FZR1: variants seen among roughly 807,000 people sequenced by gnomAD.
The protein encoded by FZR1 is fizzy-related protein homolog.
A neutral mutation model predicts 63.6 loss-of-function variants in FZR1; 11 were observed. That is an observed-to-expected ratio of 0.17 (90% CI 0.11 to 0.29). FZR1 has a LOEUF of 0.29. FZR1 is among the 10% of genes least tolerant of loss of function. FZR1 has a pLI of 1.00. For missense variants in FZR1, 440 were observed against 687.5 expected (o/e 0.64, Z 4.03); for synonymous variants, 328 against 297.9 (o/e 1.10, Z -1.04).
Position 3,535,757 on chromosome 19 carries a change from G to A in FZR1, c.*921G>A, listed in dbSNP as rs529966085. 5 of 152,506 alleles carry A rather than the reference G, an allele frequency of 3.3e-5. No homozygotes were observed. In the East Asian group the frequency reaches 5.8e-4, roughly 18 times the overall value. The allele number at this position is 152,506 out of a possible 1,614,324, so 9.4% of individuals were successfully genotyped here. On this transcript the variant is annotated 3_prime_UTR_variant, in exon 14 of 14. Coordinates refer to ENST00000441788, the MANE Select transcript of FZR1 (RefSeq NM_016263.4). ...CTGCTGGGTGGCTGGGTCCTGTGGA[G>A]GCCAGCAGCGGTGTGGCCCCCGCCC...
At position 3,534,860 on chromosome 19, in the gene FZR1, C is replaced by T. The variant is rs1280997577; in HGVS notation, c.*24C>T. 1.9e-6 allele frequency: 3 copies of T among 1,599,024 alleles called. No homozygotes were observed. Among genetic ancestry groups the T allele is most frequent in the Non-Finnish European group, 2.6e-6 (3 of 1,167,902 alleles). On this transcript the variant is annotated 3_prime_UTR_variant, in exon 14 of 14. Transcript: ENST00000441788. Reference sequence around the variant, plus strand: ...AAACCTGCCGGGCAGGACCGTGCCACACCAGCTGTCCAGAGTCGGAGGACC... The same window carrying T: ...AAACCTGCCGGGCAGGACCGTGCCATACCAGCTGTCCAGAGTCGGAGGACC...
intron 1 of FZR1, among the ~76,000 whole-genome samples, chr19:3,521,536 C>T (rs1327724835): frequency 1.3e-5 from 2 of 151,842 alleles, no homozygotes; most frequent in Non-Finnish European, 2.9e-5. Context: ...GAGTCCCGCT[C>T]TGTCACCCAG....
At chr19:3,530,916 G>T (rs2083240563) in intron 8 of FZR1, 59 bp downstream of exon 8, 2 of 1,390,788 alleles carry the variant, frequency 1.4e-6, no homozygotes, top group East Asian at 4.7e-5. Context: ...TGACAGTGTT[G>T]GGGGCCTTGA....
Position 3,514,081 on chromosome 19 carries a change from G to A in FZR1, c.-35+7607G>A, listed in dbSNP as rs1439444211. ...TCCTGAGGAAGATCCCGCACCAGGG[G>A]AGACCTTGGGGGCTTTGCATTGGTG... is the stretch of plus-strand genomic sequence containing the variant. On this transcript the variant is annotated intron_variant, in intron 1 of 13. Coordinates refer to ENST00000441788, the MANE Select transcript of FZR1 (RefSeq NM_016263.4). This position sits in a 1 kb window ranked among gnomAD's most constrained non-coding sequence, Gnocchi z 4.2. 6.6e-6 allele frequency among the ~76,000 whole-genome samples: 1 copy of A among 152,166 alleles called. No individual in the cohort carries two copies. Among genetic ancestry groups the A allele is most frequent in the Non-Finnish European group, 1.5e-5 (1 of 68,002 alleles).
In FZR1 at chr19:3,526,935, T is replaced by TGC. The variant is rs2083165059; in HGVS notation, c.388-43_388-42dup. Reference sequence around the variant, plus strand: ...GGCTGCTGGGGGGCTCTGAGGGTCCTGCGGCCTGGGCGTGCGCTCAGCTGG... The same window carrying TGC: ...GGCTGCTGGGGGGCTCTGAGGGTCCTGCGCGGCCTGGGCGTGCGCTCAGCTGG... On this transcript the variant is annotated intron_variant, in intron 5 of 13. Coordinates refer to ENST00000441788, the MANE Select transcript of FZR1 (RefSeq NM_016263.4). The surrounding 1 kb of genome is among the most constrained non-coding windows in gnomAD (Gnocchi z 5.4). The TGC allele has an allele frequency of 9.2e-6, 13 of 1,408,172 alleles. No individual in the cohort carries two copies. Among genetic ancestry groups the TGC allele is most frequent in the Non-Finnish European group, 1.3e-5 (13 of 998,912 alleles). The allele number at this position is 1,408,172 out of a possible 1,614,324, so 87.2% of individuals were successfully genotyped here. A position where few individuals can be genotyped will look rare whatever the true frequency, so the allele number is the denominator to read the frequency against.
Position 3,538,317 on chromosome 19 carries a change from T to C in FZR1, c.*3481T>C, listed in dbSNP as rs1487377996. ...TTGTTTATTGTGGTAAAATACAAAA[T>C]CTACCGTCTTACAGTGAGGTGGCGT... On this transcript the variant is annotated 3_prime_UTR_variant, in exon 14 of 14. Transcript: ENST00000441788. 5.8e-6 allele frequency: 1 copy of C among 171,224 alleles called. No homozygotes were observed. The highest frequency in any genetic ancestry group is 1.3e-5 in the Non-Finnish European group (1 of 79,148). 10.6% of individuals were successfully genotyped at this position (171,224 alleles called of 1,614,324 possible). A position where few individuals can be genotyped will look rare whatever the true frequency, so the allele number is the denominator to read the frequency against.
intron 1 of FZR1, among the ~76,000 whole-genome samples, chr19:3,507,813 C>A (rs1430732223): frequency 6.6e-6 from 1 of 152,216 alleles, no homozygotes; most frequent in Admixed American, 6.5e-5. Flanking sequence ...TCCGCGTGGG[C>A]CTCCTCCTGT....
chr19:3,514,633 A>G lies in FZR1; in HGVS notation c.-35+8159A>G, dbSNP rs940949817. Among the ~76,000 whole-genome samples, 6 of 152,004 alleles carry G rather than the reference A, an allele frequency of 3.9e-5. No individual in the cohort carries two copies. Among genetic ancestry groups the G allele is most frequent in the African/African-American group, 7.3e-5 (3 of 41,372 alleles). The stretch of plus-strand genomic sequence containing the variant: ...CCCTGCTGAGGTCCCAGGAGGCTGC[A>G]CACATTGAAATCCATACCCTGAGTG... On this transcript the variant is annotated intron_variant, in intron 1 of 13. Transcript: ENST00000441788. The surrounding 1 kb of genome is among the most constrained non-coding windows in gnomAD (Gnocchi z 4.2).
chr19:3,534,252 C>G (rs2122031383), intron 12 of FZR1, 169 bp from the exon 13 acceptor site: 2 of 467,374 alleles, frequency 4.3e-6, no homozygotes, highest in Admixed American at 3.9e-5. Flanking sequence ...AAAAAAGGCT[C>G]CAACCTTGGT....
At chr19:3,527,605 C>A in intron 6 of FZR1, 26 bp from the exon 7 acceptor site, 1 of 1,584,916 alleles carries the variant, frequency 6.3e-7, no homozygotes. Context: ...CCGTGGCTCA[C>A]GGATGCCACG....
At chr19:3,510,190 G>T (rs2083014741) in intron 1 of FZR1, among the ~76,000 whole-genome samples, 2 of 152,098 alleles carry the variant, frequency 1.3e-5, no homozygotes, top group East Asian at 3.9e-4. Flanking sequence ...AGGCTGGAGT[G>T]CAGTGGCGCA....
rs967554986 is a variant in FZR1 at position 3,509,990 on chromosome 19, C to T, written c.-35+3516C>T. On this transcript the variant is annotated intron_variant, in intron 1 of 13. Coordinates refer to ENST00000441788, the MANE Select transcript of FZR1 (RefSeq NM_016263.4). ...CTGGTGCCTCCACTCGCCGGCTGATCGTGTCTGATGGTGTCAACCCCATGC... is the reference window on the plus strand; with the variant it reads ...CTGGTGCCTCCACTCGCCGGCTGATTGTGTCTGATGGTGTCAACCCCATGC... 6.6e-5 allele frequency among the ~76,000 whole-genome samples: 10 copies of T among 152,096 alleles called. No individual in the cohort carries two copies. In the East Asian group the frequency reaches 1.7e-3, roughly 26 times the overall value.
chr19:3,516,278 T>A lies in FZR1; in HGVS notation c.-34-6678T>A, dbSNP rs1243612134. Among the ~76,000 whole-genome samples, 1 of 152,158 alleles carries A rather than the reference T, an allele frequency of 6.6e-6. No homozygotes were observed. Among genetic ancestry groups the A allele is most frequent in the Non-Finnish European group, 1.5e-5 (1 of 68,026 alleles). ...GGGAGGGTGGTGTCCTCGGTTGGAT[T>A]GGCAGCTCCTGACTGCGAGGGAGGA... On this transcript the variant is annotated intron_variant, in intron 1 of 13. Coordinates refer to ENST00000441788, the MANE Select transcript of FZR1 (RefSeq NM_016263.4). The surrounding 1 kb of genome is among the most constrained non-coding windows in gnomAD (Gnocchi z 6.0).
At chr19:3,511,817 G>C (rs937522601) in intron 1 of FZR1, among the ~76,000 whole-genome samples, 1 of 152,344 alleles carries the variant, frequency 6.6e-6, no homozygotes, top group African/African-American at 2.4e-5. Flanking sequence ...CCTGCCAAGG[G>C]TCTGGGCCCC....
chr19:3,530,476 GAGAGCGCATGGGTGAGCGGATGCA>G (rs1273594138), intron 7 of FZR1, among the ~76,000 whole-genome samples: 2 of 107,884 alleles, frequency 1.9e-5, no homozygotes, highest in South Asian at 3.2e-4. Context: ...GAGCGCATGG[GAGAGCGCATGGGTGAGCGGATGCA>G]AGAGTGGATG....
chr19:3,532,140 AC>A (rs976468031), intron 10 of FZR1, 45 bp downstream of exon 10: 1 of 1,441,446 alleles, frequency 6.9e-7, no homozygotes, highest in African/African-American at 1.4e-5. Context: ...CAGAAGCCGC[AC>A]CCCTCACACT....
chr19:3,533,143 G>C lies in FZR1; in HGVS notation c.1243-151G>C. ...CACACCTCCTAGACAGACTCAGGTG[G>C]CAGAGCCACATCCCAGCATCCCCTG... On this transcript the variant is annotated intron_variant, in intron 11 of 13. Transcript: ENST00000441788. The surrounding 1 kb of genome is among the most constrained non-coding windows in gnomAD (Gnocchi z 4.9). 1 of 642,154 alleles carries C rather than the reference G, an allele frequency of 1.6e-6. No individual in the cohort carries two copies. Among genetic ancestry groups the C allele is most frequent in the African/African-American group, 1.8e-5 (1 of 55,796 alleles). 39.8% of individuals were successfully genotyped at this position (642,154 alleles called of 1,614,324 possible).
chr19:3,534,024 A>T (rs967514973), intron 12 of FZR1, among the ~76,000 whole-genome samples: 1 of 151,794 alleles, frequency 6.6e-6, no homozygotes, highest in African/African-American at 2.4e-5. Flanking sequence ...GGAGTTCAAG[A>T]CCAGCCTGGG....
intron 8 of FZR1, among the ~76,000 whole-genome samples, chr19:3,531,326 T>C (rs1599792038): frequency 6.6e-6 from 1 of 150,686 alleles, no homozygotes; most frequent in Non-Finnish European, 1.5e-5. Flanking sequence ...TCACCCTCCC[T>C]CCATCCATCT....
Sources: allele counts gnomAD v4.1 joint callset (sites outside exome capture counted in the v4.1 genomes callset), GRCh38; gene constraint gnomAD v4.1.1; non-coding constraint Gnocchi (gnomAD v3.1); transcripts MANE v1.5; gene names NCBI Gene and HGNC (gene_info 2026-07-23, HGNC 2026-07-21).